BCLAF1: variants seen among roughly 807,000 people sequenced by gnomAD.
BCLAF1 encodes the protein BCL2 associated transcription factor 1.
Under a neutral mutation model 99.5 loss-of-function variants are expected in BCLAF1, and 10 were observed. That is an observed-to-expected ratio of 0.10 (90% confidence interval 0.06 to 0.17). BCLAF1 has a LOEUF of 0.17. BCLAF1 is among the 10% of genes least tolerant of loss of function. The probability of loss-of-function intolerance (pLI) is 1.00; values close to 1 mark genes in which losing one functional copy is unlikely to be tolerated. For synonymous variants in BCLAF1, 255 were observed against 370.9 expected (o/e 0.69, Z 3.59); for missense variants, 636 against 1,105.8 (o/e 0.58, Z 6.02).
intron 1 of BCLAF1, among the ~76,000 whole-genome samples, chr6:136,287,032 G>A (rs542193805): frequency 4.6e-5 from 7 of 152,046 alleles, no homozygotes; most frequent in Non-Finnish European, 7.4e-5. Context: ...CCCAGCTACT[G>A]GGGAGGCTGA....
chr6:136,286,767 A>C (rs2128493682), intron 1 of BCLAF1, among the ~76,000 whole-genome samples: 1 of 152,326 alleles, frequency 6.6e-6, no homozygotes, highest in Non-Finnish European at 1.5e-5. Context: ...CAGGAGTTCG[A>C]GACCAGCCTG....
At chr6:136,270,637 A>G (rs1782381963) in intron 8 of BCLAF1, among the ~76,000 whole-genome samples, 1 of 151,914 alleles carries the variant, frequency 6.6e-6, no homozygotes, top group East Asian at 1.9e-4. Context: ...TCCACAAGTA[A>G]CAAGATAATG....
chr6:136,256,669 CAATA>C lies in BCLAF1; in HGVS notation c.*4437_*4440del, dbSNP rs35195968. On this transcript the variant is annotated 3_prime_UTR_variant, in exon 13 of 13. Transcript: ENST00000531224. ...CTCTAGTCTGGGTAAGACTCCATCT[CAATA>C]AATAAATAAATAAATAAATAAATAA... The C allele has an allele frequency of 0.016, 2,388 of 152,446 alleles. 19 individuals carry two copies. The highest frequency in any genetic ancestry group is 0.039 in the South Asian group (180 of 4,606). The allele number at this position is 152,446 out of a possible 1,614,324, so 9.4% of individuals were successfully genotyped here.
Position 136,278,211 on chromosome 6 carries a change from T to C in BCLAF1, c.670A>G (p.Arg224Gly). Residue 224 changes from arginine (R) to glycine (G), a missense_variant, in exon 4 of 13, where the codon AGA becomes GGA. This residue lies in a region of BCLAF1 where 65 missense variants were observed against 90.9 expected (regional missense o/e 0.71). Transcript: ENST00000531224. Reference protein sequence around the residue: ...PGLSAYDNSPRSPHSPSPIAT... With the variant: ...PGLSAYDNSPGSPHSPSPIAT... ...ATAGGTGAAGGACTATGGGGTGATC[T>C]AGGACTATTATCATAAGCTGAAAGG... 3 of 1,614,178 alleles carry C rather than the reference T, an allele frequency of 1.9e-6. No homozygotes were observed. The highest frequency in any genetic ancestry group is 2.5e-6 in the Non-Finnish European group (3 of 1,180,012).
chr6:136,270,479 C>G (rs1782356690), intron 8 of BCLAF1: 1 of 151,802 alleles, frequency 6.6e-6, no homozygotes, highest in African/African-American at 2.4e-5. Context: ...TCTGGGAAGT[C>G]TGGCTATAAT....
rs1319461310 is a variant in BCLAF1 at position 136,260,885 on chromosome 6, T to C, written c.*225A>G. 6.0e-6 allele frequency: 3 copies of C among 502,046 alleles called. No homozygotes were observed. Among genetic ancestry groups the C allele is most frequent in the Non-Finnish European group, 1.1e-5 (3 of 284,814 alleles). 31.1% of individuals were successfully genotyped at this position (502,046 alleles called of 1,614,324 possible). The stretch of plus-strand genomic sequence containing the variant: ...CGTTAAAAGTTTTAAAAGTTGATAG[T>C]TACAAATATGGTACGTAACAATTTT... On this transcript the variant is annotated 3_prime_UTR_variant, in exon 13 of 13. Coordinates refer to ENST00000531224, the MANE Select transcript of BCLAF1 (RefSeq NM_014739.3).
At chr6:136,262,051 A>G (rs1194219067) in intron 11 of BCLAF1, among the ~76,000 whole-genome samples, 2 of 152,130 alleles carry the variant, frequency 1.3e-5, no homozygotes, top group Admixed American at 6.6e-5. Context: ...AAATCATGAC[A>G]CGGTCCCTAG....
intron 1 of BCLAF1, among the ~76,000 whole-genome samples, chr6:136,283,370 C>A (rs1174051020): frequency 6.6e-6 from 1 of 152,046 alleles, no homozygotes; most frequent in Non-Finnish European, 1.5e-5. Context: ...ACTTTAAATT[C>A]TGTGCCTAAA....
intron 9 of BCLAF1, 63 bp downstream of exon 9, chr6:136,269,374 A>G: frequency 6.3e-7 from 1 of 1,579,402 alleles, no homozygotes; most frequent in Non-Finnish European, 8.6e-7. Context: ...AAAGCAATTA[A>G]GCTGACAATT....
rs1160314081 is a variant in BCLAF1, at chr6:136,256,665, A to AT, written c.*4444dup. On this transcript the variant is annotated 3_prime_UTR_variant, in exon 13 of 13. Transcript: ENST00000531224. ...TGCACTCTAGTCTGGGTAAGACTCC[A>AT]TCTCAATAAATAAATAAATAAATAA... The AT allele has an allele frequency of 1.3e-5, 2 of 153,476 alleles. No individual in the cohort carries two copies. The highest frequency in any genetic ancestry group is 5.4e-5 in the African/African-American group (2 of 36,844). The allele number at this position is 153,476 out of a possible 1,614,324, so 9.5% of individuals were successfully genotyped here.
Position 136,269,573 on chromosome 6 carries a change from G to A in BCLAF1, c.2083C>T (p.His695Tyr), listed in dbSNP as rs752862114. 6.2e-7 allele frequency: 1 copy of A among 1,611,270 alleles called. No homozygotes were observed. The highest frequency in any genetic ancestry group is 1.3e-5 in the African/African-American group (1 of 74,832). The change falls in exon 9 of 13, where the codon CAT becomes TAT. Residue 695 changes from histidine to tyrosine, a missense_variant. By Grantham distance (83) the His-to-Tyr change is moderately conservative (BLOSUM62 2). Around this residue, in one of 9 missense-constraint regions of BCLAF1, gnomAD observed 180 missense variants for 270.0 expected, o/e 0.67. Coordinates refer to ENST00000531224, the MANE Select transcript of BCLAF1 (RefSeq NM_014739.3). ...TCTTTTCTACGGCGATCAATGTCAT[G>A]CCGAAGGTCAGCAGAGTCACACCTT... Reference protein sequence around the residue: ...KLRCDSADLRHDIDRRRKERS... With the variant: ...KLRCDSADLRYDIDRRRKERS...
In BCLAF1 at chr6:136,275,685, T is replaced by C. The variant is rs1783198050; in HGVS notation, c.1699A>G (p.Lys567Glu). The C allele has an allele frequency of 1.3e-6, 2 of 1,583,888 alleles. No homozygotes were observed. The highest frequency in any genetic ancestry group is 1.7e-6 in the Non-Finnish European group (2 of 1,167,898). Residue 567 changes from lysine (K) to glutamate (E), a missense_variant, in exon 6 of 13, where the codon AAA becomes GAA. Transcript: ENST00000531224. ...AGTGTACTAGCAAGCAGCCTGTCTT[T>C]AGTCAAGGAAGCAGGTCTGGAACAT... ...DDSNRPASLT[K>E]DRLLASTLVH...
chr6:136,262,459 A>AT (rs1554213170), intron 11 of BCLAF1, among the ~76,000 whole-genome samples: 12 of 151,994 alleles, frequency 7.9e-5, no homozygotes, highest in Non-Finnish European at 4.4e-5. Context: ...GCATATGAGT[A>AT]TTTTTTTTCC....
At chr6:136,286,036 T>C (rs978352342) in intron 1 of BCLAF1, among the ~76,000 whole-genome samples, 1 of 151,884 alleles carries the variant, frequency 6.6e-6, no homozygotes, top group African/African-American at 2.4e-5. Context: ...GAGGCGGAGG[T>C]TGCAGTGAGC....
In BCLAF1 at chr6:136,257,814, T is replaced by C. The variant is rs1780544464; in HGVS notation, c.*3296A>G. The C allele has an allele frequency of 6.6e-6, 1 of 152,100 alleles. No homozygotes were observed. The highest frequency in any genetic ancestry group is 6.5e-5 in the Admixed American group (1 of 15,274). The allele number at this position is 152,100 out of a possible 1,614,324, so 9.4% of individuals were successfully genotyped here. On this transcript the variant is annotated 3_prime_UTR_variant, in exon 13 of 13. Coordinates refer to ENST00000531224, the MANE Select transcript of BCLAF1 (RefSeq NM_014739.3). ...TCTCTTTCTGGATGTGAAAGTCTAT[T>C]ATTCCACAAGGAAACTTAAGGTACA... is the stretch of plus-strand genomic sequence containing the variant.
At chr6:136,289,417 G>A (rs1019039599) in intron 1 of BCLAF1, among the ~76,000 whole-genome samples, 4 of 152,168 alleles carry the variant, frequency 2.6e-5, no homozygotes, top group East Asian at 3.9e-4. Flanking sequence ...AAGGGTGGAA[G>A]AGGAAGATAT....
At chr6:136,266,294 G>C (rs1196230922) in intron 11 of BCLAF1, among the ~76,000 whole-genome samples, 1 of 152,066 alleles carries the variant, frequency 6.6e-6, no homozygotes, top group African/African-American at 2.4e-5. Flanking sequence ...TTCAGAACTA[G>C]TCTCTGAAGC....
chr6:136,276,619 C>A, intron 4 of BCLAF1, 111 bp from the exon 5 acceptor site: 5 of 1,317,344 alleles, frequency 3.8e-6, no homozygotes, highest in Non-Finnish European at 5.0e-6. Flanking sequence ...GAGAAAATAA[C>A]CCTATTGAAA....
At chr6:136,274,564 G>C (rs1380669809) in intron 6 of BCLAF1, among the ~76,000 whole-genome samples, 3 of 151,936 alleles carry the variant, frequency 2.0e-5, no homozygotes, top group Non-Finnish European at 4.4e-5. Context: ...TCACTGTTCT[G>C]ATGTATCAAC....
Sources: gnomAD v4.1 joint callset for allele counts (sites outside exome capture counted in the v4.1 genomes callset) on GRCh38, gnomAD v4.1.1 for gene constraint, gnomAD v4.1.1 regional missense constraint, MANE v1.5 for transcripts, NCBI Gene and HGNC (gene_info 2026-07-23, HGNC 2026-07-21) for gene names.